FHAD1: variants seen among roughly 807,000 people sequenced by gnomAD.
The protein encoded by FHAD1 is forkhead-associated domain-containing protein 1.
FHAD1 carries 146 observed loss-of-function variants against 191.3 expected under a neutral mutation model. The observed-to-expected ratio is 0.76, with a 90% CI of 0.67 to 0.88. The LOEUF (loss-of-function observed/expected upper bound fraction) is 0.88, where lower values mean the gene tolerates loss of function less well. Among genes scored for constraint, FHAD1 ranks in the 40% least tolerant of loss-of-function variants. FHAD1 has a pLI of 0.00. For missense variants in FHAD1, 1,635 were observed against 1,785.8 expected (o/e 0.92, Z 1.52); for synonymous variants, 616 against 672.3 (o/e 0.92, Z 1.29).
At chr1:15,322,649 G>T (rs1299707888) in intron 10 of FHAD1, among the ~76,000 whole-genome samples, 1 of 152,250 alleles carries the variant, frequency 6.6e-6, no homozygotes, top group South Asian at 2.1e-4. Context: ...TGTGGCCAGT[G>T]TCCACCCTAT....
chr1:15,401,491 G>A (rs924765395), downstream of FHAD1, among the ~76,000 whole-genome samples: 8 of 152,160 alleles, frequency 5.3e-5, no homozygotes, highest in East Asian at 1.9e-4. Context: ...ACTTCCTTCC[G>A]CCCTTGCCAG....
intron 1 of FHAD1, among the ~76,000 whole-genome samples, chr1:15,241,476 C>A (rs1272107886): frequency 1.3e-5 from 2 of 151,978 alleles, no homozygotes; most frequent in Non-Finnish European, 1.5e-5. Context: ...CATTGTGAAA[C>A]CCCACCTATA....
chr1:15,236,644 C>T (rs1367431115), exon 1 of FHAD1, among the ~76,000 whole-genome samples: 1 of 152,182 alleles, frequency 6.6e-6, no homozygotes, highest in African/African-American at 2.4e-5. Context: ...CTTTCTGGGA[C>T]CATTATACAG....
rs114094133 is a variant in FHAD1 at position 15,272,299 on chromosome 1, G to A, written c.94-24G>A. ...GTGTCATTTTTGTTTTCATGGCTAC[G>A]ACTGTCCTCCTTCTCCGTTGCAGTC... On this transcript the variant is annotated intron_variant, in intron 2 of 33. Coordinates refer to ENST00000688493, the MANE Select transcript of FHAD1 (RefSeq NM_001391957.1). 6.8e-4 allele frequency: 1,054 copies of A among 1,541,806 alleles called. 2 individuals are homozygous for A. The highest frequency in any genetic ancestry group is 8.7e-4 in the Non-Finnish European group (990 of 1,138,736).
chr1:15,304,129 G>T (rs576517701), intron 6 of FHAD1, among the ~76,000 whole-genome samples: 1 of 152,248 alleles, frequency 6.6e-6, no homozygotes, highest in South Asian at 2.1e-4. Flanking sequence ...CTGAAAGTGT[G>T]TGCATAACGA....
At chr1:15,300,208 A>C (rs1312381965) in intron 5 of FHAD1, among the ~76,000 whole-genome samples, 2 of 152,172 alleles carry the variant, frequency 1.3e-5, no homozygotes, top group Non-Finnish European at 2.9e-5. Flanking sequence ...AAACCTAACA[A>C]ATTCTTCGGC....
chr1:15,257,068 A>G (rs988014750), intron 2 of FHAD1, among the ~76,000 whole-genome samples: 4 of 152,262 alleles, frequency 2.6e-5, no homozygotes, highest in African/African-American at 7.2e-5. Flanking sequence ...TGTAAGAACT[A>G]TAAGAGCCTG....
chr1:15,397,602 T>A lies in FHAD1; in HGVS notation c.*189T>A, dbSNP rs1380856217. 5.1e-6 allele frequency: 2 copies of A among 392,536 alleles called. No homozygotes were observed. The highest frequency in any genetic ancestry group is 9.1e-6 in the Non-Finnish European group (2 of 220,116). 24.3% of individuals were successfully genotyped at this position (392,536 alleles called of 1,614,324 possible). On this transcript the variant is annotated 3_prime_UTR_variant, in exon 34 of 34. Transcript: ENST00000688493. Reference sequence around the variant, plus strand: ...GACTGTGGGGAGAAGGGTTCTTCTTTAAAAATACCTATGAATGTACACGAA... The same window carrying A: ...GACTGTGGGGAGAAGGGTTCTTCTTAAAAAATACCTATGAATGTACACGAA...
At chr1:15,370,496 G>C (rs1233117531) in intron 26 of FHAD1, among the ~76,000 whole-genome samples, 1 of 152,098 alleles carries the variant, frequency 6.6e-6, no homozygotes, top group Non-Finnish European at 1.5e-5. Flanking sequence ...TTCTCCTCTT[G>C]TGCAATGCTG....
At chr1:15,366,721 C>T (rs1417436183) in intron 24 of FHAD1, among the ~76,000 whole-genome samples, 2 of 152,122 alleles carry the variant, frequency 1.3e-5, no homozygotes, top group Non-Finnish European at 2.9e-5. Flanking sequence ...ATGAGTGGCC[C>T]CTAGAGTAGG....
chr1:15,355,936 G>GA (rs71572151), intron 20 of FHAD1, among the ~76,000 whole-genome samples: 22,776 of 117,024 alleles, frequency 0.19, 2,848 homozygotes, highest in African/African-American at 0.38. Context: ...TAGAAAACTT[G>GA]AAAAAAAAAA....
intron 21 of FHAD1, 61 bp downstream of exon 21, chr1:15,358,344 C>T (rs1407748552): frequency 3.2e-5 from 47 of 1,469,572 alleles, no homozygotes; most frequent in Admixed American, 5.5e-5. Flanking sequence ...TACAGTGCCA[C>T]GAGAATGTGT....
chr1:15,352,052 A>G (rs915605106), intron 19 of FHAD1, among the ~76,000 whole-genome samples: 4 of 152,194 alleles, frequency 2.6e-5, no homozygotes, highest in Non-Finnish European at 1.5e-5. Flanking sequence ...CTGTGCATTA[A>G]AGAAAATTTA....
In FHAD1 at chr1:15,369,488, T is replaced by C; in HGVS notation, c.3433T>C (p.Ser1145Pro). ...QIEPVHTEAF[S>P]SSQEQQSFSD... Reference sequence around the variant, plus strand: ...AGAACCCGTCCACACTGAGGCCTTCTCCAGCAGCCAAGAGGTGAGTGCCAC... The same window carrying C: ...AGAACCCGTCCACACTGAGGCCTTCCCCAGCAGCCAAGAGGTGAGTGCCAC... The change falls in exon 26 of 34, where the codon TCC becomes CCC. Residue 1145 changes from serine (S) to proline (P), a missense_variant. Coordinates refer to ENST00000688493, the MANE Select transcript of FHAD1 (RefSeq NM_001391957.1). 6.4e-7 allele frequency: 1 copy of C among 1,551,594 alleles called. No homozygotes were observed. The highest frequency in any genetic ancestry group is 8.7e-7 in the Non-Finnish European group (1 of 1,146,976).
chr1:15,278,748 AC>A (rs908656162), intron 3 of FHAD1, among the ~76,000 whole-genome samples: 1 of 152,096 alleles, frequency 6.6e-6, no homozygotes, highest in Non-Finnish European at 1.5e-5. Context: ...TGCTGGGATT[AC>A]CCGCCTTCAT....
chr1:15,308,473 G>A (rs1452680791), intron 6 of FHAD1, 140 bp from the exon 7 acceptor site: 5 of 1,156,442 alleles, frequency 4.3e-6, no homozygotes, highest in South Asian at 3.2e-5. Context: ...CCCTTCCACT[G>A]GTTAAAACTA....
intron 2 of FHAD1, among the ~76,000 whole-genome samples, chr1:15,272,081 C>G (rs1656285024): frequency 2.0e-5 from 3 of 152,226 alleles, no homozygotes; most frequent in Non-Finnish European, 4.4e-5. Flanking sequence ...CACTCAACAA[C>G]TTAGGTACCT....
In FHAD1 at chr1:15,327,097, T is replaced by G; in HGVS notation, c.1512T>G (p.Tyr504Ter). 6.4e-7 allele frequency: 1 copy of G among 1,551,458 alleles called. No individual in the cohort carries two copies. The highest frequency in any genetic ancestry group is 8.7e-7 in the Non-Finnish European group (1 of 1,146,954). Residue 504 changes from tyrosine (Y) to a stop codon, truncating the protein, a stop_gained, in exon 12 of 34, where the codon TAT (tyrosine) becomes TAG (stop). Coordinates refer to ENST00000688493, the MANE Select transcript of FHAD1 (RefSeq NM_001391957.1). LOFTEE classifies it high-confidence loss of function. The surrounding 1 kb of genome is among the most constrained non-coding windows in gnomAD (Gnocchi z 5.1). ...GAAGTCAAGTCATCAAGGCCACCTA[T>G]GGACGGGCGAAGCCGTTCCGGGACA... is the stretch of plus-strand genomic sequence containing the variant. ...HFRSQVIKAT[Y>*]GRAKPFRDKP...
At chr1:15,326,057 G>A (rs1310723582) in intron 11 of FHAD1, 1 of 152,386 alleles carries the variant, frequency 6.6e-6, no homozygotes, top group African/African-American at 2.4e-5. Context: ...CATGAAACCA[G>A]AGGATGGCTT....
Sources: gnomAD v4.1 joint callset for allele counts (sites outside exome capture counted in the v4.1 genomes callset) on GRCh38, gnomAD v4.1.1 for gene constraint, Gnocchi (gnomAD v3.1) non-coding constraint, MANE v1.5 for transcripts, NCBI Gene and HGNC (gene_info 2026-07-23, HGNC 2026-07-21) for gene names.